The following CTSO variants were observed in gnomAD, a reference collection of about 807,000 sequenced individuals.
CTSO encodes the protein cathepsin O.
In CTSO, 40 loss-of-function variants were observed where a neutral mutation model predicts 42.4. That is an observed-to-expected ratio of 0.94 (90% CI 0.73 to 1.23). CTSO has a LOEUF of 1.23. Among genes scored for constraint, CTSO ranks in the 50% most tolerant of loss-of-function variants. CTSO has a pLI of 0.00. For synonymous variants in CTSO, 156 were observed against 146.2 expected, an observed-to-expected ratio of 1.07 and a Z score of -0.48; for missense variants, 441 against 396.0, an observed-to-expected ratio of 1.11 and a Z score of -0.96.
intron 1 of CTSO, among the ~76,000 whole-genome samples, chr4:155,944,782 A>G (rs1251991894): frequency 3.3e-5 from 5 of 151,706 alleles, no homozygotes; most frequent in African/African-American, 1.2e-4. Context: ...TTGATTAATG[A>G]CTCCCTGATG....
rs1219269229 is a variant in CTSO at position 155,943,206 on chromosome 4, G to A, written c.194C>T (p.Ala65Val). The A allele has an allele frequency of 2.5e-6, 4 of 1,612,364 alleles. No homozygotes were observed. Among genetic ancestry groups the A allele is most frequent in the Admixed American group, 1.7e-5 (1 of 59,986 alleles). The change falls in exon 2 of 8, where the codon GCC becomes GTC. Residue 65 changes from alanine (A) to valine (V), a missense_variant. Ala to Val is a moderately conservative substitution (Grantham distance 64). Coordinates refer to ENST00000433477, the MANE Select transcript of CTSO (RefSeq NM_001334.3). Reference protein sequence around the residue: ...NSLFPSENSTAFYGINQFSYL... With the variant: ...NSLFPSENSTVFYGINQFSYL... ...GGAAAACTGATTTATTCCATAGAAGGCGGTGGAGTTTTCACTGGGAAATAA... is the reference window on the plus strand; with the variant it reads ...GGAAAACTGATTTATTCCATAGAAGACGGTGGAGTTTTCACTGGGAAATAA...
At chr4:155,927,636 G>T (rs1743152872) in intron 7 of CTSO, among the ~76,000 whole-genome samples, 1 of 152,108 alleles carries the variant, frequency 6.6e-6, no homozygotes, top group Admixed American at 6.5e-5. Flanking sequence ...TCAGCCAGGT[G>T]TGGTGGCGGG....
At chr4:155,933,764 G>A (rs1436794624) in intron 5 of CTSO, among the ~76,000 whole-genome samples, 3 of 152,118 alleles carry the variant, frequency 2.0e-5, no homozygotes, top group Non-Finnish European at 4.4e-5. Context: ...AGAGATTTGT[G>A]GAACTTTGAA....
chr4:155,929,185 T>C lies in CTSO; in HGVS notation c.838+357A>G, dbSNP rs145374300. 2.1e-3 allele frequency among the ~76,000 whole-genome samples: 316 copies of C among 152,340 alleles called. 3 individuals carry two copies. The East Asian group carries it at 0.042, about 20-fold the overall frequency. The stretch of plus-strand genomic sequence containing the variant: ...CCTTTATTTCCCATAAGGAATACTT[T>C]TAGTCAATCTATAATCTATAGAAAC... On this transcript the variant is annotated intron_variant, in intron 6 of 7. Transcript: ENST00000433477.
intron 1 of CTSO, among the ~76,000 whole-genome samples, chr4:155,947,396 G>A (rs1743567624): frequency 6.6e-6 from 1 of 152,094 alleles, no homozygotes; most frequent in Non-Finnish European, 1.5e-5. Flanking sequence ...CAGAGTATTT[G>A]GATTATAGAA....
At chr4:155,941,310 G>A (rs1399039992) in intron 3 of CTSO, among the ~76,000 whole-genome samples, 6 of 152,206 alleles carry the variant, frequency 3.9e-5, no homozygotes, top group East Asian at 1.9e-4. Flanking sequence ...GAGTGTAGAC[G>A]GGTAGGGAAG....
intron 1 of CTSO, among the ~76,000 whole-genome samples, chr4:155,952,664 G>T (rs959930252): frequency 6.6e-6 from 1 of 152,190 alleles, no homozygotes; most frequent in Non-Finnish European, 1.5e-5. Flanking sequence ...TGGACAAAAC[G>T]TAAGAGTGGA....
rs1359331102 is a variant in CTSO at position 155,924,391 on chromosome 4, C to G, written c.*1645G>C. On this transcript the variant is annotated 3_prime_UTR_variant, in exon 8 of 8. Transcript: ENST00000433477. ...TGAAATAACTCCAAACCTGAGTCAA[C>G]ACACATTCTTTTCGGATTGGTTCTG... 3 of 152,310 alleles carry G rather than the reference C, an allele frequency of 2.0e-5. No homozygotes were observed. The highest frequency in any genetic ancestry group is 7.2e-5 in the African/African-American group (3 of 41,576). The allele number at this position is 152,310 out of a possible 1,614,324, so 9.4% of individuals were successfully genotyped here. A position where few individuals can be genotyped will look rare whatever the true frequency, so the allele number is the denominator to read the frequency against.
intron 1 of CTSO, among the ~76,000 whole-genome samples, chr4:155,948,087 A>T (rs1743580262): frequency 6.6e-6 from 1 of 152,094 alleles, no homozygotes; most frequent in African/African-American, 2.4e-5. Flanking sequence ...GTTGTTGTTA[A>T]ATGTGTTTAA....
intron 4 of CTSO, among the ~76,000 whole-genome samples, chr4:155,938,879 C>A (rs1303256039): frequency 2.0e-5 from 3 of 152,112 alleles, no homozygotes; most frequent in Non-Finnish European, 4.4e-5. Context: ...AACACTTGAA[C>A]CCGGGAGGTG....
Position 155,939,394 on chromosome 4 carries a change from T to C in CTSO, c.529A>G (p.Asn177Asp), listed in dbSNP as rs1370710873. 2 of 1,613,552 alleles carry C rather than the reference T, an allele frequency of 1.2e-6. No individual in the cohort carries two copies. Among genetic ancestry groups the C allele is most frequent in the Admixed American group, 3.3e-5 (2 of 59,996 alleles). Residue 177 changes from asparagine to aspartate, a missense_variant, in exon 4 of 8, where the codon AAT becomes GAT. Asn to Asp is a conservative substitution (Grantham distance 23). Transcript: ENST00000433477. ...NYGCNGGSTL[N>D]ALNWLNKMQV... ...ACCTTGTTTAACCAGTTCAAAGCAT[T>C]GAGAGTAGAGCCTCCATTGCAGCCA... is the stretch of plus-strand genomic sequence containing the variant.
intron 1 of CTSO, among the ~76,000 whole-genome samples, chr4:155,943,808 T>C (rs923699084): frequency 5.3e-5 from 8 of 152,188 alleles, no homozygotes; most frequent in African/African-American, 1.7e-4. Flanking sequence ...CTGTGACAGA[T>C]GCAATTCTGG....
At chr4:155,941,464 C>T (rs1191557967) in intron 3 of CTSO, among the ~76,000 whole-genome samples, 7 of 152,226 alleles carry the variant, frequency 4.6e-5, no homozygotes, top group Non-Finnish European at 1.0e-4. Flanking sequence ...TTCAGAATAA[C>T]TCACAAGCTG....
intron 1 of CTSO, among the ~76,000 whole-genome samples, chr4:155,949,265 G>C (rs1743604059): frequency 6.6e-6 from 1 of 152,072 alleles, no homozygotes; most frequent in Admixed American, 6.6e-5. Context: ...TTGGTGGAGG[G>C]GTATAGTTAT....
intron 5 of CTSO, among the ~76,000 whole-genome samples, chr4:155,931,458 G>T (rs1743232284): frequency 2.0e-5 from 3 of 152,184 alleles, no homozygotes; most frequent in Middle Eastern, 6.8e-3. Context: ...TCCCTGATTT[G>T]GGCCAGAGCT....
intron 3 of CTSO, among the ~76,000 whole-genome samples, chr4:155,940,186 G>T (rs974506633): frequency 2.0e-5 from 3 of 152,070 alleles, no homozygotes; most frequent in Non-Finnish European, 4.4e-5. Context: ...TGCTGATAGT[G>T]GATCTCTTAA....
At chr4:155,929,210 C>T (rs1560784054) in intron 6 of CTSO, among the ~76,000 whole-genome samples, 1 of 152,176 alleles carries the variant, frequency 6.6e-6, no homozygotes, top group Non-Finnish European at 1.5e-5. Flanking sequence ...TCTATAGAAA[C>T]AATGCTTATC....
intron 1 of CTSO, among the ~76,000 whole-genome samples, chr4:155,953,141 A>G (rs1743706225): frequency 6.6e-6 from 1 of 152,026 alleles, no homozygotes; most frequent in Non-Finnish European, 1.5e-5. Context: ...TCTTCAACTC[A>G]GTCTCCGCCA....
At chr4:155,953,108 A>G (rs1228540309) in intron 1 of CTSO, among the ~76,000 whole-genome samples, 1 of 151,500 alleles carries the variant, frequency 6.6e-6, no homozygotes. Flanking sequence ...ATAATATGAA[A>G]AGGAAATTAA....
Sources: allele counts gnomAD v4.1 joint callset (sites outside exome capture counted in the v4.1 genomes callset), GRCh38; gene constraint gnomAD v4.1.1; transcripts MANE v1.5; gene names NCBI Gene and HGNC (gene_info 2026-07-23, HGNC 2026-07-21).